Variants in COL18A1 observed in about 807,000 individuals in gnomAD.
COL18A1 encodes collagen alpha-1(XVIII) chain.
A neutral mutation model predicts 168.0 loss-of-function variants in COL18A1; 133 were observed. The ratio of observed to expected loss-of-function variants is 0.79; its 90% confidence interval spans 0.69 to 0.91. The LOEUF is 0.91. Among genes scored for constraint, COL18A1 ranks in the 40% least tolerant of loss-of-function variants. COL18A1 has a pLI of 0.00. For synonymous variants in COL18A1, 949 were observed against 809.0 expected, an observed-to-expected ratio of 1.17 and a Z score of -2.94; for missense variants, 2,126 against 1,925.4, an observed-to-expected ratio of 1.10 and a Z score of -1.95.
intron 2 of COL18A1, among the ~76,000 whole-genome samples, chr21:45,437,330 ACAC>A (rs1191920989): frequency 8.8e-6 from 1 of 113,754 alleles, no homozygotes; most frequent in Non-Finnish European, 1.7e-5. Context: ...GCACACACAC[ACAC>A]TCAGACACAC....
intron 15 of COL18A1, among the ~76,000 whole-genome samples, chr21:45,483,322 G>A (rs988259947): frequency 6.6e-6 from 1 of 152,214 alleles, no homozygotes; most frequent in Non-Finnish European, 1.5e-5. Flanking sequence ...AGGCAGCCCG[G>A]GTGTCCTTGG....
intron 2 of COL18A1, among the ~76,000 whole-genome samples, chr21:45,458,266 G>A (rs60930826): frequency 0.14 from 21,313 of 150,012 alleles, 1,849 homozygotes; most frequent in African/African-American, 0.24. Flanking sequence ...CCGTGCCCGC[G>A]GCTGTTGGCA....
intron 20 of COL18A1, 48 bp from the exon 21 acceptor site, chr21:45,490,788 G>A (rs2145982888): frequency 1.3e-6 from 2 of 1,540,710 alleles, no homozygotes; most frequent in Non-Finnish European, 1.8e-6. Context: ...GGGGGCCAGG[G>A]GCTCCTGTTT....
chr21:45,456,692 T>C (rs1331535136), intron 2 of COL18A1: 6 of 1,531,928 alleles, frequency 3.9e-6, no homozygotes, highest in Non-Finnish European at 4.4e-6. Context: ...CCTCGCCTGG[T>C]TCTTCTGCCT....
chr21:45,487,607 C>G, intron 17 of COL18A1, 98 bp downstream of exon 17: 1 of 1,497,368 alleles, frequency 6.7e-7, no homozygotes, highest in Non-Finnish European at 9.2e-7. Flanking sequence ...TGCATGGGAT[C>G]GGAAGCCGCC....
At chr21:45,493,819 G>C (rs1393030570) in intron 26 of COL18A1, 1 of 555,068 alleles carries the variant, frequency 1.8e-6, no homozygotes, top group Non-Finnish European at 3.2e-6. Flanking sequence ...CCTGCTGAGG[G>C]GAGGTTCTCA....
chr21:45,490,993 A>G (rs1470305315), intron 21 of COL18A1, 122 bp downstream of exon 21: 38 of 1,019,682 alleles, frequency 3.7e-5, no homozygotes, highest in Non-Finnish European at 5.2e-5. Flanking sequence ...CTCAGGGCAA[A>G]GACCCTCAAG....
At chr21:45,428,854 T>G (rs1389397229) in intron 2 of COL18A1, among the ~76,000 whole-genome samples, 1 of 152,168 alleles carries the variant, frequency 6.6e-6, no homozygotes, top group African/African-American at 2.4e-5. Context: ...ATGTTTTATG[T>G]GCCTGAAATG....
chr21:45,488,620 AC>A (rs2036195862), intron 18 of COL18A1, among the ~76,000 whole-genome samples, 176 bp downstream of exon 18: 1 of 152,078 alleles, frequency 6.6e-6, no homozygotes. Flanking sequence ...ATAATCGCAC[AC>A]CAACCCCAAC....
At chr21:45,453,907 C>T (rs1356489161) in intron 2 of COL18A1, among the ~76,000 whole-genome samples, 1 of 152,220 alleles carries the variant, frequency 6.6e-6, no homozygotes, top group African/African-American at 2.4e-5. Flanking sequence ...GCCAGTGACC[C>T]TCTGAGCACA....
At chr21:45,454,739 G>T (rs976700704) in intron 2 of COL18A1, among the ~76,000 whole-genome samples, 4 of 152,256 alleles carry the variant, frequency 2.6e-5, no homozygotes, top group African/African-American at 7.2e-5. Context: ...CCACTCACAT[G>T]CCACTCACAT....
At chr21:45,459,613 G>T (rs912140056) in intron 2 of COL18A1, among the ~76,000 whole-genome samples, 3 of 152,220 alleles carry the variant, frequency 2.0e-5, no homozygotes, top group Admixed American at 2.0e-4. Flanking sequence ...CTCAAAGGGA[G>T]GGTGAACCCT....
chr21:45,506,173 G>A (rs889842394), intron 37 of COL18A1: 3 of 673,788 alleles, frequency 4.5e-6, no homozygotes, highest in Non-Finnish European at 7.6e-6. Context: ...TCAAGCTTCT[G>A]AAAGTGGATG....
At chr21:45,485,114 C>G (rs895731915) in intron 15 of COL18A1, among the ~76,000 whole-genome samples, 6 of 145,590 alleles carry the variant, frequency 4.1e-5, no homozygotes, top group Non-Finnish European at 7.4e-5. Flanking sequence ...TCCCGAGTAA[C>G]TGGGACTACA....
intron 2 of COL18A1, among the ~76,000 whole-genome samples, chr21:45,432,388 G>C (rs2033987804): frequency 6.6e-6 from 1 of 152,212 alleles, no homozygotes; most frequent in Non-Finnish European, 1.5e-5. Context: ...TTGCCTCCAG[G>C]TTTAAATCAG....
At chr21:45,441,460 C>T (rs981681928) in intron 2 of COL18A1, among the ~76,000 whole-genome samples, 9 of 152,202 alleles carry the variant, frequency 5.9e-5, no homozygotes, top group African/African-American at 2.2e-4. Context: ...CAGCAGCTGC[C>T]TCCAGGCCTC....
chr21:45,441,343 C>T (rs1451075363), intron 2 of COL18A1, among the ~76,000 whole-genome samples: 3 of 152,216 alleles, frequency 2.0e-5, no homozygotes, highest in East Asian at 1.9e-4. Flanking sequence ...CAAGACGCTG[C>T]CCCTACTGTC....
At chr21:45,446,231 G>A (rs2034503009) in intron 2 of COL18A1, among the ~76,000 whole-genome samples, 1 of 152,168 alleles carries the variant, frequency 6.6e-6, no homozygotes, top group African/African-American at 2.4e-5. Context: ...AACATGAGTT[G>A]CCCGTAGGTT....
At chr21:45,439,766 T>G (rs2034318585) in intron 2 of COL18A1, among the ~76,000 whole-genome samples, 1 of 147,538 alleles carries the variant, frequency 6.8e-6, no homozygotes, top group Non-Finnish European at 1.5e-5. Flanking sequence ...CAGCTCGTCC[T>G]GGCGCCAAGC....
Sources: gnomAD v4.1 joint callset for allele counts (sites outside exome capture counted in the v4.1 genomes callset) on GRCh38, gnomAD v4.1.1 for gene constraint, MANE v1.5 for transcripts, NCBI Gene and HGNC (gene_info 2026-07-23, HGNC 2026-07-21) for gene names.